RNF217: variants seen among roughly 807,000 people sequenced by gnomAD.
The protein encoded by RNF217 is E3 ubiquitin-protein ligase RNF217.
RNF217 carries 31 observed loss-of-function variants against 57.8 expected under a neutral mutation model. That is an observed-to-expected ratio of 0.54 (90% confidence interval 0.40 to 0.72). RNF217 has a LOEUF of 0.72. Ranked by LOEUF, RNF217 falls within the 30% of genes least tolerant of loss-of-function variation. The probability of loss-of-function intolerance (pLI) is 0.00; values close to 1 mark genes in which losing one functional copy is unlikely to be tolerated. For synonymous variants in RNF217, 313 were observed against 294.0 expected (o/e 1.06, Z -0.66); for missense variants, 696 against 708.3 (o/e 0.98, Z 0.20).
intron 1 of RNF217, among the ~76,000 whole-genome samples, chr6:125,009,754 A>C (rs1785349088): frequency 6.6e-6 from 1 of 152,116 alleles, no homozygotes; most frequent in Non-Finnish European, 1.5e-5. Flanking sequence ...GACAAGCTGC[A>C]TTCCATCTCC....
intron 1 of RNF217, among the ~76,000 whole-genome samples, chr6:125,005,519 T>A (rs2114314042): frequency 6.6e-6 from 1 of 152,278 alleles, no homozygotes; most frequent in South Asian, 2.1e-4. Context: ...ACAGGTATGT[T>A]TGGATTGGGT....
At position 125,057,927 on chromosome 6, in the gene RNF217, T is replaced by C. The variant is rs914124252; in HGVS notation, c.1117-15T>C. The C allele has an allele frequency of 5.7e-6, 9 of 1,585,176 alleles. No homozygotes were observed. The highest frequency in any genetic ancestry group is 8.6e-7 in the Non-Finnish European group (1 of 1,164,322). On this transcript the variant is annotated splice_polypyrimidine_tract_variant and intron_variant, in intron 2 of 5. Coordinates refer to ENST00000521654, the MANE Select transcript of RNF217 (RefSeq NM_001286398.3). The stretch of plus-strand genomic sequence containing the variant: ...TATATCCACTAGTAATTAATATGAT[T>C]TTTTTCTTACACAGATCCAGTGCCC...
intron 3 of RNF217, among the ~76,000 whole-genome samples, chr6:125,073,737 A>G (rs1280345236): frequency 6.6e-6 from 1 of 152,130 alleles, no homozygotes; most frequent in Non-Finnish European, 1.5e-5. Context: ...AAGAAAGGGG[A>G]CTGCCTGGCA....
intron 1 of RNF217, among the ~76,000 whole-genome samples, chr6:124,977,859 A>G (rs529990036): frequency 6.6e-6 from 1 of 152,344 alleles, no homozygotes; most frequent in South Asian, 2.1e-4. Context: ...AGGGAGTTGC[A>G]GAGATTTTAC....
At chr6:125,017,901 G>A (rs1053327536) in intron 1 of RNF217, among the ~76,000 whole-genome samples, 13 of 152,120 alleles carry the variant, frequency 8.5e-5, no homozygotes, top group African/African-American at 3.1e-4. Flanking sequence ...CTAAGGGAAA[G>A]AATTCACTTT....
At position 124,962,824 on chromosome 6, in the gene RNF217, G is replaced by A. The variant is rs762875854; in HGVS notation, c.280G>A (p.Gly94Arg). 6.3e-7 allele frequency: 1 copy of A among 1,597,876 alleles called. No individual in the cohort carries two copies. The highest frequency in any genetic ancestry group is 8.5e-7 in the Non-Finnish European group (1 of 1,179,618). Residue 94 changes from glycine (G) to arginine (R), a missense_variant, in exon 1 of 6, where the codon GGG (glycine) becomes AGG (arginine). By Grantham distance (125) the Gly-to-Arg change is moderately radical. Coordinates refer to ENST00000521654, the MANE Select transcript of RNF217 (RefSeq NM_001286398.3). This position sits in a 1 kb window ranked among gnomAD's most constrained non-coding sequence, Gnocchi z 4.6. ...PAQPAGLALT[G>R]PLNPQTLPLQ... is the part of the protein sequence containing the mutation. Reference sequence around the variant, plus strand: ...GCAGCCTGCGGGACTGGCACTCACCGGGCCTCTCAATCCCCAGACCTTGCC... The same window carrying A: ...GCAGCCTGCGGGACTGGCACTCACCAGGCCTCTCAATCCCCAGACCTTGCC...
At chr6:125,037,639 A>AGGCG (rs1228192937) in intron 1 of RNF217, among the ~76,000 whole-genome samples, 1 of 152,152 alleles carries the variant, frequency 6.6e-6, no homozygotes, top group Non-Finnish European at 1.5e-5. Context: ...GAGTAAAGTG[A>AGGCG]GGCGGACATC....
At chr6:125,038,605 T>A (rs1786744041) in intron 1 of RNF217, among the ~76,000 whole-genome samples, 1 of 152,136 alleles carries the variant, frequency 6.6e-6, no homozygotes, top group South Asian at 2.1e-4. Flanking sequence ...TAATTATCCC[T>A]AATAAAAAGT....
At chr6:125,004,572 T>C (rs914728134) in intron 1 of RNF217, among the ~76,000 whole-genome samples, 2 of 152,192 alleles carry the variant, frequency 1.3e-5, no homozygotes, top group African/African-American at 2.4e-5. Context: ...CAAAGGTAGG[T>C]ACAGAAGTGT....
Position 124,963,348 on chromosome 6 carries a change from A to G in RNF217, c.804A>G (p.Glu268=), listed in dbSNP as rs1416205557. 1.3e-6 allele frequency: 2 copies of G among 1,533,062 alleles called. No individual in the cohort carries two copies. The highest frequency in any genetic ancestry group is 4.9e-5 in the East Asian group (2 of 40,896). The allele number at this position is 1,533,062 out of a possible 1,614,324, so 95.0% of individuals were successfully genotyped here. The change falls in exon 1 of 6, where the codon GAA becomes GAG. Residue 268 remains glutamate (E), a synonymous_variant. Transcript: ENST00000521654. ...LMVLMCRVCL[E]DKPIKPLPCC... is the part of the protein sequence containing the mutation. ...TGCTGATGTGCCGGGTGTGCCTGGA[A>G]GACAAGCCCATCAAGCCCCTGCCTT...
At chr6:125,063,472 GT>G (rs1787822598) in intron 3 of RNF217, among the ~76,000 whole-genome samples, 1 of 152,030 alleles carries the variant, frequency 6.6e-6, no homozygotes, top group South Asian at 2.1e-4. Flanking sequence ...CCTTTGTCCG[GT>G]GCTCTTTGTT....
Position 125,068,612 on chromosome 6 carries a change from G to A in RNF217, c.1282-8045G>A, listed in dbSNP as rs142369041. Among the ~76,000 whole-genome samples the A allele has an allele frequency of 2.4e-3, 361 of 152,274 alleles. 1 individual carries two copies. The highest frequency in any genetic ancestry group is 8.4e-3 in the African/African-American group (347 of 41,548). ...TGAGAAAATATTTTTTCATGCATTT[G>A]GCATAGCTTATGCATATATATTTGT... On this transcript the variant is annotated intron_variant, in intron 3 of 5. Coordinates refer to ENST00000521654, the MANE Select transcript of RNF217 (RefSeq NM_001286398.3).
At position 125,085,745 on chromosome 6, in the gene RNF217, G is replaced by T. The variant is rs1788752463; in HGVS notation, c.*2808G>T. On this transcript the variant is annotated 3_prime_UTR_variant, in exon 6 of 6. Coordinates refer to ENST00000521654, the MANE Select transcript of RNF217 (RefSeq NM_001286398.3). ...TTTCTAGGGGTAACCACTGTTAATG[G>T]TTTGGTATGTGTCCTTCCAGACACT... 1 of 151,682 alleles carries T rather than the reference G, an allele frequency of 6.6e-6. No homozygotes were observed. The highest frequency in any genetic ancestry group is 1.5e-5 in the Non-Finnish European group (1 of 67,814). 9.4% of individuals were successfully genotyped at this position (151,682 alleles called of 1,614,324 possible). A position where few individuals can be genotyped will look rare whatever the true frequency, so the allele number is the denominator to read the frequency against.
chr6:125,033,593 A>T (rs1249122438), intron 1 of RNF217, among the ~76,000 whole-genome samples: 1 of 150,266 alleles, frequency 6.7e-6, no homozygotes, highest in African/African-American at 2.5e-5. Context: ...CCAGTCTATC[A>T]TTGTTGGACA....
At chr6:124,971,909 C>A (rs1445511970) in intron 1 of RNF217, among the ~76,000 whole-genome samples, 1 of 152,166 alleles carries the variant, frequency 6.6e-6, no homozygotes, top group East Asian at 1.9e-4. Flanking sequence ...ACTTTGTATA[C>A]TGTTAGTGGG....
At chr6:125,022,413 A>G (rs1785879641) in intron 1 of RNF217, among the ~76,000 whole-genome samples, 1 of 152,256 alleles carries the variant, frequency 6.6e-6, no homozygotes, top group African/African-American at 2.4e-5. Flanking sequence ...TCACCTGAGC[A>G]GCCTAGGAAA....
chr6:124,965,389 C>A (rs1195984799), intron 1 of RNF217, among the ~76,000 whole-genome samples: 1 of 152,094 alleles, frequency 6.6e-6, no homozygotes, highest in African/African-American at 2.4e-5. Flanking sequence ...GCCTGACCAA[C>A]ATGGTGAAAC....
intron 1 of RNF217, among the ~76,000 whole-genome samples, chr6:125,026,560 C>G (rs1786091913): frequency 6.6e-6 from 1 of 152,108 alleles, no homozygotes. Flanking sequence ...CATCAGTACT[C>G]CACATTTCTG....
intron 1 of RNF217, among the ~76,000 whole-genome samples, chr6:124,969,211 T>C (rs1380339476): frequency 2.0e-5 from 3 of 152,208 alleles, no homozygotes; most frequent in Non-Finnish European, 4.4e-5. Flanking sequence ...AATATAAATA[T>C]TTCTCAGCTA....
Sources: allele counts gnomAD v4.1 joint callset (sites outside exome capture counted in the v4.1 genomes callset), GRCh38; gene constraint gnomAD v4.1.1; non-coding constraint Gnocchi (gnomAD v3.1); transcripts MANE v1.5; gene names NCBI Gene and HGNC (gene_info 2026-07-23, HGNC 2026-07-21).